ADGRF4: variants seen among roughly 807,000 people sequenced by gnomAD.
The protein encoded by ADGRF4 is adhesion G protein-coupled receptor F4.
A neutral mutation model predicts 58.5 loss-of-function variants in ADGRF4; 63 were observed. The ratio of observed to expected loss-of-function variants is 1.08; its 90% CI spans 0.88 to 1.33. ADGRF4 has a LOEUF of 1.33. ADGRF4 is among the 40% of genes most tolerant of loss of function. The probability of loss-of-function intolerance (pLI) is 0.00; values close to 1 mark genes in which losing one functional copy is unlikely to be tolerated. For synonymous variants in ADGRF4, 313 were observed against 295.4 expected (o/e 1.06, Z -0.61); for missense variants, 931 against 843.9 (o/e 1.10, Z -1.28).
chr6:47,714,426 A>G lies in ADGRF4; in HGVS notation c.1181A>G (p.Lys394Arg). Residue 394 changes from lysine (K) to arginine (R), a missense_variant, in exon 6 of 10, where the codon AAA (lysine) becomes AGA (arginine). Physicochemically the swap from Lys to Arg is conservative, Grantham distance 26. Coordinates refer to ENST00000283303, the MANE Select transcript of ADGRF4 (RefSeq NM_153838.5). ...VMSFSILMSSKSMTDKVLDYI... is the reference protein window; with the variant it reads ...VMSFSILMSSRSMTDKVLDYI... ...TCTTTTTCCATTCTCATGTCCTCCA[A>G]ATCGATGACCGACAAAGTTCTGGAC... 1 of 1,614,082 alleles carries G rather than the reference A, an allele frequency of 6.2e-7. No individual in the cohort carries two copies. The highest frequency in any genetic ancestry group is 8.5e-7 in the Non-Finnish European group (1 of 1,180,010).
At chr6:47,716,962 G>T in intron 7 of ADGRF4, 115 bp downstream of exon 7, 1 of 748,808 alleles carries the variant, frequency 1.3e-6, no homozygotes, top group Non-Finnish European at 2.4e-6. Flanking sequence ...TTGTGAGGAT[G>T]GTTCAAGGAA....
intron 9 of ADGRF4, among the ~76,000 whole-genome samples, chr6:47,719,857 A>T (rs1447716923): frequency 6.6e-6 from 1 of 152,196 alleles, no homozygotes; most frequent in Non-Finnish European, 1.5e-5. Flanking sequence ...TCCAGGAAGG[A>T]GGTGGAATGC....
chr6:47,715,083 T>A lies in ADGRF4; in HGVS notation c.1838T>A (p.Leu613Gln). The A allele has an allele frequency of 1.2e-6, 2 of 1,612,586 alleles. No homozygotes were observed. Among genetic ancestry groups the A allele is most frequent in the African/African-American group, 1.3e-5 (1 of 75,040 alleles). Residue 613 changes from leucine to glutamine, a missense_variant, in exon 6 of 10, where the codon CTG becomes CAG. By Grantham distance (113) the Leu-to-Gln change is moderately radical. Coordinates refer to ENST00000283303, the MANE Select transcript of ADGRF4 (RefSeq NM_153838.5). ...ISKNVAILTPLLGLTWGFGIA... is the reference protein window; with the variant it reads ...ISKNVAILTPQLGLTWGFGIA... Reference sequence around the variant, plus strand: ...AAAAATGTTGCCATCCTCACTCCACTGCTGGGACTGACCTGGGGTTTTGGA... The same window carrying A: ...AAAAATGTTGCCATCCTCACTCCACAGCTGGGACTGACCTGGGGTTTTGGA...
chr6:47,712,997 G>T (rs765945290), intron 5 of ADGRF4, among the ~76,000 whole-genome samples: 1 of 152,136 alleles, frequency 6.6e-6, no homozygotes, highest in Admixed American at 6.5e-5. Flanking sequence ...GAGGGTGAGC[G>T]AACATTATCA....
Position 47,699,005 on chromosome 6 carries a change from T to C in ADGRF4, c.-17+211T>C, listed in dbSNP as rs115500366. On this transcript the variant is annotated intron_variant, in intron 1 of 9. Coordinates refer to ENST00000283303, the MANE Select transcript of ADGRF4 (RefSeq NM_153838.5). ...TTTACGTTTGTTTTTCTTTAAGAGTTGTTTGTCAGGCTTTAATGGCTCACT... is the reference window on the plus strand; with the variant it reads ...TTTACGTTTGTTTTTCTTTAAGAGTCGTTTGTCAGGCTTTAATGGCTCACT... 4.3e-3 allele frequency among the ~76,000 whole-genome samples: 660 copies of C among 152,314 alleles called. 3 individuals carry two copies. Among genetic ancestry groups the C allele is most frequent in the African/African-American group, 0.014 (575 of 41,572 alleles).
chr6:47,701,475 T>A (rs1411523122), intron 1 of ADGRF4, among the ~76,000 whole-genome samples: 1 of 152,218 alleles, frequency 6.6e-6, no homozygotes, highest in Non-Finnish European at 1.5e-5. Flanking sequence ...GATGTGGAGC[T>A]GCCCTTATTG....
At chr6:47,700,350 C>T (rs1771563678) in intron 1 of ADGRF4, among the ~76,000 whole-genome samples, 1 of 152,174 alleles carries the variant, frequency 6.6e-6, no homozygotes, top group South Asian at 2.1e-4. Flanking sequence ...TGTGAGTCAT[C>T]CCCTACAATT....
At chr6:47,711,550 C>A (rs140268543) in intron 4 of ADGRF4, among the ~76,000 whole-genome samples, 2 of 152,304 alleles carry the variant, frequency 1.3e-5, no homozygotes, top group South Asian at 4.1e-4. Flanking sequence ...CGTAAGCCAC[C>A]GCGCCGGGCC....
At position 47,716,815 on chromosome 6, in the gene ADGRF4, A is replaced by C. The variant is rs1002100269; in HGVS notation, c.1942A>C (p.Ile648Leu). 2 of 1,602,336 alleles carry C rather than the reference A, an allele frequency of 1.2e-6. No individual in the cohort carries two copies. The highest frequency in any genetic ancestry group is 2.7e-5 in the African/African-American group (2 of 74,238). ...TTCAATTTTGCCACAGGGTTTTTTC[A>C]TCCTGCTGTTTGGAACCATTATGGA... is the stretch of plus-strand genomic sequence containing the variant. The part of the protein sequence containing the change: ...ALLNAFQGFF[I>L]LLFGTIMDHK... The change falls in exon 7 of 10, where the codon ATC (isoleucine) becomes CTC (leucine). Residue 648 changes from isoleucine to leucine, a missense_variant. Physicochemically the swap from Ile to Leu is conservative, Grantham distance 5. Coordinates refer to ENST00000283303, the MANE Select transcript of ADGRF4 (RefSeq NM_153838.5).
rs144311886 is a variant in ADGRF4, at chr6:47,704,742, T to C, written c.-16-2488T>C. Among the ~76,000 whole-genome samples, 662 of 152,284 alleles carry C rather than the reference T, an allele frequency of 4.3e-3. 3 individuals carry two copies. Among genetic ancestry groups the C allele is most frequent in the African/African-American group, 0.014 (575 of 41,554 alleles). ...AAGAATGTAAGATAAAAATATTGGATATATCAGAGTTCTTGCTTGTAGGTA... is the reference window on the plus strand; with the variant it reads ...AAGAATGTAAGATAAAAATATTGGACATATCAGAGTTCTTGCTTGTAGGTA... On this transcript the variant is annotated intron_variant, in intron 1 of 9. Transcript: ENST00000283303.
At chr6:47,699,342 G>C (rs9367300) in intron 1 of ADGRF4, among the ~76,000 whole-genome samples, 143,183 of 152,310 alleles carry the variant, frequency 0.94, 67,911 homozygotes, top group East Asian at 1. Flanking sequence ...GTTGTGAGAG[G>C]TCTAAAGTGT....
At chr6:47,716,923 T>A (rs1772033793) in intron 7 of ADGRF4, 76 bp downstream of exon 7, 1 of 985,462 alleles carries the variant, frequency 1.0e-6, no homozygotes, top group African/African-American at 1.6e-5. Flanking sequence ...GCAGTTTTGA[T>A]TGGAGAGCAT....
intron 1 of ADGRF4, among the ~76,000 whole-genome samples, chr6:47,705,308 A>C (rs536454995): frequency 6.6e-6 from 1 of 152,354 alleles, no homozygotes; most frequent in African/African-American, 2.4e-5. Flanking sequence ...TTCTTCTGGT[A>C]CTTTCTTTAG....
intron 1 of ADGRF4, among the ~76,000 whole-genome samples, chr6:47,702,618 A>C (rs1771615317): frequency 6.6e-6 from 1 of 152,220 alleles, no homozygotes; most frequent in South Asian, 2.1e-4. Context: ...ATTCTGTCAC[A>C]ATTACTGCTT....
rs77519361 is a variant in ADGRF4, at chr6:47,719,881, T to C, written c.*4-1328T>C. The stretch of plus-strand genomic sequence containing the variant: ...GAGGTGGAATGCCCTTACAATACTC[T>C]CTGAAGAAGTCTTCATCACATAATT... On this transcript the variant is annotated intron_variant, in intron 9 of 9. Coordinates refer to ENST00000283303, the MANE Select transcript of ADGRF4 (RefSeq NM_153838.5). Among the ~76,000 whole-genome samples the C allele has an allele frequency of 4.3e-3, 662 of 152,330 alleles. 3 individuals are homozygous for C. Among genetic ancestry groups the C allele is most frequent in the African/African-American group, 0.014 (576 of 41,580 alleles).
At chr6:47,700,994 A>G (rs1771576573) in intron 1 of ADGRF4, among the ~76,000 whole-genome samples, 1 of 151,970 alleles carries the variant, frequency 6.6e-6, no homozygotes, top group Admixed American at 6.5e-5. Context: ...CTGGGGGGGA[A>G]GAGCACAAAT....
intron 6 of ADGRF4, among the ~76,000 whole-genome samples, chr6:47,715,845 A>G (rs890122517): frequency 2.0e-5 from 3 of 152,218 alleles, no homozygotes; most frequent in Non-Finnish European, 4.4e-5. Context: ...AGCATGATAC[A>G]AAATAGAAAG....
chr6:47,716,059 A>G (rs1337604596), intron 6 of ADGRF4, among the ~76,000 whole-genome samples: 1 of 151,910 alleles, frequency 6.6e-6, no homozygotes, highest in Non-Finnish European at 1.5e-5. Context: ...CTGGTGAGTA[A>G]TGATCTCATC....
Position 47,714,270 on chromosome 6 carries a change from C to G in ADGRF4, c.1025C>G (p.Thr342Ser), listed in dbSNP as rs770116932. 6.2e-7 allele frequency: 1 copy of G among 1,614,176 alleles called. No homozygotes were observed. Among genetic ancestry groups the G allele is most frequent in the Non-Finnish European group, 8.5e-7 (1 of 1,180,034 alleles). Reference protein sequence around the residue: ...IILTFEKINKTRNARAQCVGW... With the variant: ...IILTFEKINKSRNARAQCVGW... ...CTCACCTTCGAAAAGATCAATAAAACCCGCAATGCCAGAGCCCAGTGTGTT... is the reference window on the plus strand; with the variant it reads ...CTCACCTTCGAAAAGATCAATAAAAGCCGCAATGCCAGAGCCCAGTGTGTT... Residue 342 changes from threonine to serine, a missense_variant, in exon 6 of 10, where the codon ACC (threonine) becomes AGC (serine). Thr to Ser is a moderately conservative substitution (Grantham distance 58). Transcript: ENST00000283303.
Sources: allele counts gnomAD v4.1 joint callset (sites outside exome capture counted in the v4.1 genomes callset), GRCh38; gene constraint gnomAD v4.1.1; transcripts MANE v1.5; gene names NCBI Gene and HGNC (gene_info 2026-07-23, HGNC 2026-07-21).